The following RBMS3 variants were observed in gnomAD, a reference collection of about 807,000 sequenced individuals.
RBMS3 encodes RNA binding motif single stranded interacting protein 3, also known as RNA-binding motif, single-stranded-interacting protein 3.
RBMS3 carries 27 observed loss-of-function variants against 66.8 expected under a neutral mutation model. The observed-to-expected ratio is 0.40, with a 90% CI of 0.30 to 0.56. The LOEUF is 0.56. RBMS3 is among the 20% of genes least tolerant of loss of function. The probability of loss-of-function intolerance (pLI) is 0.40; values close to 1 mark genes in which losing one functional copy is unlikely to be tolerated. For synonymous variants in RBMS3, 188 were observed against 183.0 expected (o/e 1.03, Z -0.22); for missense variants, 513 against 549.5 (o/e 0.93, Z 0.66).
intron 1 of RBMS3, among the ~76,000 whole-genome samples, chr3:29,304,392 T>A (rs1392714711): frequency 6.6e-6 from 1 of 151,960 alleles, no homozygotes; most frequent in Non-Finnish European, 1.5e-5. Context: ...AAAGATAGAT[T>A]TAAAAGCACT....
chr3:29,375,580 G>A (rs1266717612), intron 1 of RBMS3, among the ~76,000 whole-genome samples: 1 of 152,144 alleles, frequency 6.6e-6, no homozygotes, highest in East Asian at 1.9e-4. Flanking sequence ...AGACATACAT[G>A]CAGCCAACAA....
At chr3:29,382,952 C>T (rs150653555) in intron 1 of RBMS3, among the ~76,000 whole-genome samples, 8 of 152,222 alleles carry the variant, frequency 5.3e-5, no homozygotes, top group African/African-American at 1.2e-4. Flanking sequence ...TTATGAATGA[C>T]GCCTCTGATC....
intron 8 of RBMS3, among the ~76,000 whole-genome samples, chr3:29,890,649 A>G (rs781495076): frequency 2.0e-5 from 3 of 151,660 alleles, no homozygotes; most frequent in Non-Finnish European, 4.4e-5. Flanking sequence ...TATTAGGAAC[A>G]ATGGACATAT....
At chr3:29,472,005 G>T (rs988630572) in intron 2 of RBMS3, among the ~76,000 whole-genome samples, 1 of 152,046 alleles carries the variant, frequency 6.6e-6, no homozygotes, top group South Asian at 2.1e-4. Context: ...AGAAAACATT[G>T]TTAGCTTCTG....
chr3:29,349,474 G>A (rs1455239466), intron 1 of RBMS3, among the ~76,000 whole-genome samples: 2 of 152,180 alleles, frequency 1.3e-5, no homozygotes, highest in Non-Finnish European at 2.9e-5. Flanking sequence ...TCACTTTGCC[G>A]TATTAACTCA....
chr3:29,466,488 G>A (rs538601975), intron 2 of RBMS3, among the ~76,000 whole-genome samples: 150 of 151,952 alleles, frequency 9.9e-4, no homozygotes, highest in African/African-American at 3.4e-3. Context: ...TCATGGATTC[G>A]TGCAGCTTTT....
intron 2 of RBMS3, among the ~76,000 whole-genome samples, chr3:29,481,485 T>G (rs747272770): frequency 6.6e-6 from 1 of 152,144 alleles, no homozygotes; most frequent in Admixed American, 6.5e-5. Context: ...TATAATGGCT[T>G]TCTTGGGTGA....
At chr3:29,390,479 G>A (rs1041036662) in intron 1 of RBMS3, among the ~76,000 whole-genome samples, 1 of 151,970 alleles carries the variant, frequency 6.6e-6, no homozygotes, top group Non-Finnish European at 1.5e-5. Context: ...CTGTTTTAAT[G>A]TACTCCTAAG....
chr3:29,964,048 A>T (rs574992233), intron 12 of RBMS3, among the ~76,000 whole-genome samples: 2 of 152,308 alleles, frequency 1.3e-5, no homozygotes, highest in East Asian at 3.9e-4. Flanking sequence ...CTTCCATAGA[A>T]TATAATTCAG....
intron 14 of RBMS3, among the ~76,000 whole-genome samples, chr3:29,997,416 T>G (rs1487634498): frequency 6.7e-6 from 1 of 149,468 alleles, no homozygotes; most frequent in Non-Finnish European, 1.5e-5. Flanking sequence ...TAACTCATTT[T>G]ATGAGGGCAG....
intron 7 of RBMS3, among the ~76,000 whole-genome samples, chr3:29,875,240 T>C (rs2059585709): frequency 1.3e-5 from 2 of 152,094 alleles, no homozygotes; most frequent in Admixed American, 1.3e-4. Context: ...TAAGCAACAG[T>C]TTACAACCTC....
intron 4 of RBMS3, among the ~76,000 whole-genome samples, chr3:29,639,962 A>G (rs148935311): frequency 1.4e-3 from 209 of 151,914 alleles, no homozygotes; most frequent in African/African-American, 4.9e-3. Flanking sequence ...TGAAACATAA[A>G]CTTTTTGCTA....
intron 4 of RBMS3, among the ~76,000 whole-genome samples, chr3:29,693,769 G>A (rs894011382): frequency 6.6e-6 from 1 of 152,130 alleles, no homozygotes; most frequent in Non-Finnish European, 1.5e-5. Context: ...TAATTTCAAT[G>A]ATTTGATCAA....
intron 4 of RBMS3, among the ~76,000 whole-genome samples, chr3:29,666,355 T>A (rs2050756552): frequency 6.6e-6 from 1 of 152,238 alleles, no homozygotes; most frequent in Non-Finnish European, 1.5e-5. Flanking sequence ...TTGCAATTGT[T>A]ACTGCTGTAT....
intron 4 of RBMS3, chr3:29,731,115 G>A: frequency 5.1e-6 from 4 of 781,802 alleles, no homozygotes; most frequent in Non-Finnish European, 6.2e-6. Flanking sequence ...GCCAGCCCAA[G>A]CCTTAAAGAA....
At chr3:29,637,514 A>G (rs2049519608) in intron 4 of RBMS3, among the ~76,000 whole-genome samples, 1 of 151,882 alleles carries the variant, frequency 6.6e-6, no homozygotes, top group Non-Finnish European at 1.5e-5. Context: ...AAGACATATG[A>G]GCTTATTAAA....
intron 7 of RBMS3, among the ~76,000 whole-genome samples, chr3:29,874,830 C>T (rs937108942): frequency 1.3e-5 from 2 of 151,894 alleles, no homozygotes; most frequent in African/African-American, 4.8e-5. Context: ...GGTACTAAGC[C>T]CAATATTTAC....
At chr3:29,607,602 G>C (rs1257629654) in intron 4 of RBMS3, among the ~76,000 whole-genome samples, 1 of 151,952 alleles carries the variant, frequency 6.6e-6, no homozygotes, top group Non-Finnish European at 1.5e-5. Flanking sequence ...CATAGCAGCT[G>C]TACAATTGGC....
intron 2 of RBMS3, among the ~76,000 whole-genome samples, chr3:29,478,589 A>G (rs1442041726): frequency 6.6e-6 from 1 of 152,212 alleles, no homozygotes; most frequent in Non-Finnish European, 1.5e-5. Context: ...AGAATGTGCT[A>G]TAAACAGCTG....
Sources: gnomAD v4.1 joint callset for allele counts (sites outside exome capture counted in the v4.1 genomes callset) on GRCh38, gnomAD v4.1.1 for gene constraint, MANE v1.5 for transcripts, NCBI Gene and HGNC (gene_info 2026-07-23, HGNC 2026-07-21) for gene names.